CYP7B1: variants seen among roughly 807,000 people sequenced by gnomAD.
CYP7B1 encodes cytochrome P450 7B1.
In CYP7B1, 29 loss-of-function variants were observed where a neutral mutation model predicts 42.7. The ratio of observed to expected loss-of-function variants is 0.68; its 90% CI spans 0.51 to 0.93. The LOEUF is 0.93. Ranked by LOEUF, CYP7B1 falls within the 40% of genes least tolerant of loss-of-function variation. The pLI is 0.00. For synonymous variants in CYP7B1, 235 were observed against 218.2 expected, an observed-to-expected ratio of 1.08 and a Z score of -0.68; for missense variants, 655 against 600.5, an observed-to-expected ratio of 1.09 and a Z score of -0.95.
In CYP7B1 at chr8:64,655,110, G is replaced by A. The variant is rs184470921; in HGVS notation, c.123-30571C>T. Among the ~76,000 whole-genome samples, 16 of 152,188 alleles carry A rather than the reference G, an allele frequency of 1.1e-4. No homozygotes were observed. The East Asian group carries it at 2.3e-3, about 22-fold the overall frequency. ...CAATACCATCCTGGACATAGGAATG[G>A]GCAAATGTTTTATGACAAAGATACC... is the stretch of plus-strand genomic sequence containing the variant. On this transcript the variant is annotated intron_variant, in intron 1 of 5. Coordinates refer to ENST00000310193, the MANE Select transcript of CYP7B1 (RefSeq NM_004820.5).
chr8:64,587,198 C>CGCA (rs968044943), downstream of CYP7B1, among the ~76,000 whole-genome samples: 6 of 152,144 alleles, frequency 3.9e-5, no homozygotes, highest in African/African-American at 1.4e-4. Context: ...ATGACGTCCA[C>CGCA]GCAGCACTCG....
chr8:64,639,721 C>T (rs1196684561), intron 1 of CYP7B1, among the ~76,000 whole-genome samples: 4 of 152,046 alleles, frequency 2.6e-5, no homozygotes, highest in Non-Finnish European at 5.9e-5. Context: ...ATCTTTAACA[C>T]ACATAAAATA....
At chr8:64,728,457 C>A (rs866801964) in intron 1 of CYP7B1, among the ~76,000 whole-genome samples, 2 of 152,222 alleles carry the variant, frequency 1.3e-5, no homozygotes, top group African/African-American at 2.4e-5. Context: ...TCCTTCCCCA[C>A]ACTGTTAGCC....
At chr8:64,702,576 T>C (rs1563397682) in intron 1 of CYP7B1, among the ~76,000 whole-genome samples, 1 of 152,120 alleles carries the variant, frequency 6.6e-6, no homozygotes, top group Non-Finnish European at 1.5e-5. Flanking sequence ...CCAGGAACCC[T>C]GCAATAAGAA....
chr8:64,712,556 G>A (rs554192954), intron 1 of CYP7B1, among the ~76,000 whole-genome samples: 18 of 151,528 alleles, frequency 1.2e-4, no homozygotes, highest in Non-Finnish European at 2.2e-4. Flanking sequence ...TTGTGAAACT[G>A]GCACATTATA....
intron 1 of CYP7B1, among the ~76,000 whole-genome samples, chr8:64,733,907 C>T (rs1807449584): frequency 6.6e-6 from 1 of 151,996 alleles, no homozygotes. Context: ...GAGTTTGAGG[C>T]TGCAGTGAGC....
At chr8:64,744,707 C>T (rs927039375) in intron 1 of CYP7B1, among the ~76,000 whole-genome samples, 2 of 152,002 alleles carry the variant, frequency 1.3e-5, no homozygotes, top group Admixed American at 6.6e-5. Context: ...TTAATTTTGC[C>T]CTGTTATAAT....
intron 1 of CYP7B1, among the ~76,000 whole-genome samples, chr8:64,684,807 T>C (rs1806594727): frequency 6.6e-6 from 1 of 152,152 alleles, no homozygotes; most frequent in South Asian, 2.1e-4. Flanking sequence ...AAAGAAGATA[T>C]ACAAAATAGA....
chr8:64,652,073 G>T (rs569787500), intron 1 of CYP7B1, among the ~76,000 whole-genome samples: 1 of 152,246 alleles, frequency 6.6e-6, no homozygotes, highest in Non-Finnish European at 1.5e-5. Flanking sequence ...TGAACATTTT[G>T]AGATAAAGAA....
intron 5 of CYP7B1, among the ~76,000 whole-genome samples, chr8:64,602,358 G>T (rs906500980): frequency 7.2e-5 from 11 of 152,096 alleles, no homozygotes; most frequent in Non-Finnish European, 1.5e-4. Flanking sequence ...AATAAGGAGG[G>T]GCATTCCAGG....
chr8:64,773,982 GTT>G (rs1167188619), intron 1 of CYP7B1, among the ~76,000 whole-genome samples: 1 of 152,140 alleles, frequency 6.6e-6, no homozygotes, highest in Non-Finnish European at 1.5e-5. Flanking sequence ...GTGGGATTAA[GTT>G]TCTAACACAT....
chr8:64,724,187 T>C (rs1017713988), intron 1 of CYP7B1, among the ~76,000 whole-genome samples: 2 of 152,066 alleles, frequency 1.3e-5, no homozygotes, highest in African/African-American at 4.8e-5. Flanking sequence ...CCAGGCTAGA[T>C]GGAGTGCAGT....
At chr8:64,688,797 T>C (rs1031980960) in intron 1 of CYP7B1, among the ~76,000 whole-genome samples, 4 of 152,044 alleles carry the variant, frequency 2.6e-5, no homozygotes, top group African/African-American at 9.7e-5. Context: ...CACACTGGTG[T>C]GCACCTGTAG....
At chr8:64,629,152 G>A (rs1805651368) in intron 1 of CYP7B1, among the ~76,000 whole-genome samples, 1 of 148,362 alleles carries the variant, frequency 6.7e-6, no homozygotes, top group Admixed American at 6.8e-5. Flanking sequence ...GCTTGAACCT[G>A]TGAAGCAGAG....
intron 1 of CYP7B1, among the ~76,000 whole-genome samples, chr8:64,721,752 C>A (rs967967333): frequency 2.0e-5 from 3 of 151,860 alleles, no homozygotes; most frequent in Admixed American, 2.0e-4. Flanking sequence ...TCTATGAAAA[C>A]ATTTGCAGTA....
intron 1 of CYP7B1, among the ~76,000 whole-genome samples, chr8:64,672,411 T>C (rs954327189): frequency 1.3e-5 from 2 of 152,152 alleles, no homozygotes; most frequent in African/African-American, 2.4e-5. Flanking sequence ...AATATCCCTC[T>C]CTGACCCTAT....
In CYP7B1 at chr8:64,674,090, A is replaced by G. The variant is rs553339871; in HGVS notation, c.123-49551T>C. On this transcript the variant is annotated intron_variant, in intron 1 of 5. Coordinates refer to ENST00000310193, the MANE Select transcript of CYP7B1 (RefSeq NM_004820.5). ...CCTTGTTGACAGAGCCAAGAAGTGA[A>G]TGATCGACACTAATGGGATTTTTAA... Among the ~76,000 whole-genome samples the G allele has an allele frequency of 1.2e-4, 19 of 152,176 alleles. 1 individual carries two copies. The East Asian group carries it at 3.7e-3, about 29-fold the overall frequency.
At chr8:64,625,362 A>G (rs1585815015) in intron 1 of CYP7B1, among the ~76,000 whole-genome samples, 1 of 152,142 alleles carries the variant, frequency 6.6e-6, no homozygotes, top group Non-Finnish European at 1.5e-5. Flanking sequence ...CCTGATAGTT[A>G]AGTTACAATC....
chr8:64,644,198 G>C (rs1805911523), intron 1 of CYP7B1, among the ~76,000 whole-genome samples: 1 of 151,964 alleles, frequency 6.6e-6, no homozygotes, highest in African/African-American at 2.4e-5. Context: ...CTTGAACCCA[G>C]GAGGCTGAGG....
Sources: allele counts gnomAD v4.1 joint callset (sites outside exome capture counted in the v4.1 genomes callset), GRCh38; gene constraint gnomAD v4.1.1; transcripts MANE v1.5; gene names NCBI Gene and HGNC (gene_info 2026-07-23, HGNC 2026-07-21).